Variants in MAPK8 observed in about 807,000 individuals in gnomAD.
The protein encoded by MAPK8 is mitogen-activated protein kinase 8, also known as JUN N-terminal kinase.
In MAPK8, 13 loss-of-function variants were observed where a neutral mutation model predicts 52.9. The observed-to-expected ratio is 0.25, with a 90% CI of 0.16 to 0.39. The LOEUF (loss-of-function observed/expected upper bound fraction) is 0.39, where lower values mean the gene tolerates loss of function less well. Ranked by LOEUF, MAPK8 falls within the 10% of genes least tolerant of loss-of-function variation. MAPK8 has a pLI of 1.00. For synonymous variants in MAPK8, 191 were observed against 169.8 expected, an observed-to-expected ratio of 1.12 and a Z score of -0.97; for missense variants, 300 against 519.2, an observed-to-expected ratio of 0.58 and a Z score of 4.10.
intron 1 of MAPK8, among the ~76,000 whole-genome samples, chr10:48,369,550 A>G (rs902614500): frequency 2.0e-5 from 3 of 152,188 alleles, no homozygotes; most frequent in African/African-American, 7.2e-5. Context: ...GGAAAAGCTC[A>G]ATAGTAGATA....
chr10:48,352,662 C>A (rs1230191148), intron 1 of MAPK8, among the ~76,000 whole-genome samples: 1 of 152,158 alleles, frequency 6.6e-6, no homozygotes, highest in Non-Finnish European at 1.5e-5. Flanking sequence ...CAGCATCATA[C>A]CTGATGAAAG....
chr10:48,422,590 G>A (rs1176686462), intron 6 of MAPK8, among the ~76,000 whole-genome samples: 1 of 152,152 alleles, frequency 6.6e-6, no homozygotes, highest in African/African-American at 2.4e-5. Context: ...TAAGTTGTAA[G>A]CTGGATATTT....
At chr10:48,319,856 A>G (rs557618562) in intron 1 of MAPK8, among the ~76,000 whole-genome samples, 1 of 151,454 alleles carries the variant, frequency 6.6e-6, no homozygotes, top group East Asian at 2.0e-4. Context: ...GGCTTATTTC[A>G]CTTAGCATGA....
Position 48,404,900 on chromosome 10 carries a change from A to G in MAPK8, c.171A>G (p.Leu57=). 1.2e-6 allele frequency: 2 copies of G among 1,610,840 alleles called. No homozygotes were observed. The highest frequency in any genetic ancestry group is 1.7e-6 in the Non-Finnish European group (2 of 1,177,708). ...AAAGAAATGTTGCAATCAAGAAGCT[A>G]AGCCGACCATTTCAGAATCAGACTC... ...ILERNVAIKK[L]SRPFQNQTHA... The change falls in exon 3 of 12, where the codon CTA becomes CTG. Residue 57 remains leucine, a synonymous_variant. Coordinates refer to ENST00000374189, the MANE Select transcript of MAPK8 (RefSeq NM_001323329.2).
At chr10:48,353,796 A>G (rs1284676597) in intron 1 of MAPK8, among the ~76,000 whole-genome samples, 1 of 152,230 alleles carries the variant, frequency 6.6e-6, no homozygotes, top group Non-Finnish European at 1.5e-5. Flanking sequence ...CTGCATTTAT[A>G]GAACATTCTT....
intron 1 of MAPK8, among the ~76,000 whole-genome samples, chr10:48,397,740 G>A (rs1264355458): frequency 2.0e-5 from 3 of 152,088 alleles, no homozygotes; most frequent in Non-Finnish European, 4.4e-5. Context: ...ACAGGCATAT[G>A]CCACCACGCC....
At chr10:48,409,096 G>A (rs1265780412) in intron 3 of MAPK8, among the ~76,000 whole-genome samples, 1 of 152,132 alleles carries the variant, frequency 6.6e-6, no homozygotes. Flanking sequence ...TGGGGTGTGT[G>A]TGTGAGGGAC....
Position 48,366,819 on chromosome 10 carries a change from A to G in MAPK8, c.-49-34793A>G, listed in dbSNP as rs80351247. 6.5e-4 allele frequency among the ~76,000 whole-genome samples: 99 copies of G among 152,164 alleles called. 1 individual carries two copies. The East Asian group carries it at 0.017, about 27-fold the overall frequency. ...TTTTTTACCCTGTTAACAACTGACT[A>G]GTCTGAAGGAGCTCAAATATTTGGA... On this transcript the variant is annotated intron_variant, in intron 1 of 11. Transcript: ENST00000374189.
At chr10:48,397,348 G>A (rs1170541281) in intron 1 of MAPK8, among the ~76,000 whole-genome samples, 1 of 151,604 alleles carries the variant, frequency 6.6e-6, no homozygotes, top group East Asian at 1.9e-4. Context: ...TAGAGATGGG[G>A]TCTCTCTATG....
intron 1 of MAPK8, among the ~76,000 whole-genome samples, chr10:48,349,420 C>T (rs1846092731): frequency 1.3e-5 from 2 of 152,164 alleles, no homozygotes; most frequent in African/African-American, 4.8e-5. Flanking sequence ...TCATAACAGT[C>T]TCTCAGACCA....
chr10:48,324,170 A>G (rs1843250777), intron 1 of MAPK8, among the ~76,000 whole-genome samples: 1 of 152,200 alleles, frequency 6.6e-6, no homozygotes, highest in Non-Finnish European at 1.5e-5. Context: ...TCTCTTACAT[A>G]TGTCATACTT....
intron 2 of MAPK8, 31 bp downstream of exon 2, chr10:48,401,813 G>T: frequency 7.2e-7 from 1 of 1,386,048 alleles, no homozygotes; most frequent in South Asian, 2.0e-5. Flanking sequence ...ATTAGGCAAA[G>T]AATCATTAAC....
intron 1 of MAPK8, among the ~76,000 whole-genome samples, chr10:48,376,249 A>T (rs2040654590): frequency 6.6e-6 from 1 of 152,248 alleles, no homozygotes; most frequent in Non-Finnish European, 1.5e-5. Flanking sequence ...AAGATGGATT[A>T]AAGACTTAAA....
intron 1 of MAPK8, among the ~76,000 whole-genome samples, chr10:48,335,577 T>C (rs1477747777): frequency 6.6e-6 from 1 of 152,216 alleles, no homozygotes; most frequent in African/African-American, 2.4e-5. Context: ...TCATTTATTT[T>C]TCTTGAAGTG....
chr10:48,320,292 C>T (rs1444646697), intron 1 of MAPK8, among the ~76,000 whole-genome samples: 1 of 131,574 alleles, frequency 7.6e-6, no homozygotes, highest in East Asian at 2.5e-4. Context: ...GGCTGGAGTG[C>T]AGTACCATGA....
Position 48,435,779 on chromosome 10 carries a change from A to G in MAPK8, c.*750A>G, listed in dbSNP as rs888434373. ...AAGTAAAAAGAATATGGTGTATTCT[A>G]CAAATTTGTGGCATGCTCAAAGTTT... On this transcript the variant is annotated 3_prime_UTR_variant, in exon 12 of 12. Transcript: ENST00000374189. The G allele has an allele frequency of 3.9e-5, 6 of 152,246 alleles. No individual in the cohort carries two copies. The highest frequency in any genetic ancestry group is 1.2e-4 in the African/African-American group (5 of 41,468). The allele number at this position is 152,246 out of a possible 1,614,324, so 9.4% of individuals were successfully genotyped here.
intron 10 of MAPK8, among the ~76,000 whole-genome samples, chr10:48,429,453 TTTCAAGATCTACTTAAGAG>T (rs1166088720): frequency 6.6e-6 from 1 of 152,244 alleles, no homozygotes; most frequent in Non-Finnish European, 1.5e-5. Context: ...AGACTGCCTT[TTTCAAGATCTACTTAAGAG>T]TTTTAGCGCA....
At chr10:48,369,601 A>T (rs1848368303) in intron 1 of MAPK8, among the ~76,000 whole-genome samples, 1 of 152,132 alleles carries the variant, frequency 6.6e-6, no homozygotes, top group East Asian at 1.9e-4. Context: ...AACTAGAGCC[A>T]TGAGGGTAGA....
At chr10:48,349,220 C>G (rs1846074763) in intron 1 of MAPK8, among the ~76,000 whole-genome samples, 2 of 152,100 alleles carry the variant, frequency 1.3e-5, no homozygotes, top group Admixed American at 6.6e-5. Context: ...CAGATCGAGA[C>G]AGAAAATTAA....
Sources: gnomAD v4.1 joint callset for allele counts (sites outside exome capture counted in the v4.1 genomes callset) on GRCh38, gnomAD v4.1.1 for gene constraint, MANE v1.5 for transcripts, NCBI Gene and HGNC (gene_info 2026-07-23, HGNC 2026-07-21) for gene names.